The following PEMT variants were observed in gnomAD, a reference collection of about 807,000 sequenced individuals.
PEMT encodes the protein phosphatidylethanolamine N-methyltransferase.
PEMT carries 23 observed loss-of-function variants against 27.4 expected under a neutral mutation model. The ratio of observed to expected loss-of-function variants is 0.84; its 90% confidence interval spans 0.60 to 1.19. The LOEUF (loss-of-function observed/expected upper bound fraction) is 1.19. Ranked by LOEUF, PEMT falls within the 50% of genes most tolerant of loss-of-function variation. The pLI is 0.00. For synonymous variants in PEMT, 137 were observed against 139.1 expected, an observed-to-expected ratio of 0.98 and a Z score of 0.11; for missense variants, 307 against 310.1, an observed-to-expected ratio of 0.99 and a Z score of 0.07.
rs745740700 is a variant in PEMT at position 17,522,340 on chromosome 17, T to C, written c.260A>G (p.Tyr87Cys). 2 of 1,613,644 alleles carry C rather than the reference T, an allele frequency of 1.2e-6. No homozygotes were observed. Among genetic ancestry groups the C allele is most frequent in the South Asian group, 2.2e-5 (2 of 91,064 alleles). The change falls in exon 3 of 7, where the codon TAC becomes TGC. Residue 87 changes from tyrosine to cysteine, a missense_variant. Physicochemically the swap from Tyr to Cys is radical, Grantham distance 194 (BLOSUM62 -2). Transcript: ENST00000255389. The part of the protein sequence containing the change: ...RKLSRAFGSP[Y>C]LACYSLSVTI... ...GACGCTTAGAGAGTAGCAGGCCAGG[T>C]AGGGGGATCCGAAGGCCCTGCTCAG...
intron 2 of PEMT, among the ~76,000 whole-genome samples, chr17:17,560,839 C>T (rs1385259748): frequency 6.6e-6 from 1 of 151,526 alleles, no homozygotes; most frequent in Non-Finnish European, 1.5e-5. Context: ...CTCCCCACCT[C>T]CACCTCACCC....
At chr17:17,556,690 G>C (rs559780692) in intron 2 of PEMT, among the ~76,000 whole-genome samples, 1 of 152,190 alleles carries the variant, frequency 6.6e-6, no homozygotes, top group South Asian at 2.1e-4. Flanking sequence ...GCAAATTTCT[G>C]TTGCCTCTGA....
chr17:17,538,328 TAAATA>T (rs1307413558), intron 2 of PEMT, among the ~76,000 whole-genome samples: 3 of 152,224 alleles, frequency 2.0e-5, no homozygotes, highest in Non-Finnish European at 4.4e-5. Flanking sequence ...AGCTCTCACT[TAAATA>T]AAATATATAT....
At chr17:17,583,089 T>C (rs1912065792) in intron 1 of PEMT, among the ~76,000 whole-genome samples, 1 of 150,158 alleles carries the variant, frequency 6.7e-6, no homozygotes, top group Non-Finnish European at 1.5e-5. Flanking sequence ...AGAAGTTTAT[T>C]CTCTGGCCGT....
At chr17:17,522,181 G>A in intron 3 of PEMT, 99 bp downstream of exon 3, 7 of 845,150 alleles carry the variant, frequency 8.3e-6, no homozygotes, top group Non-Finnish European at 1.4e-5. Flanking sequence ...TGAGTGCTCA[G>A]ACACAAGGCT....
At chr17:17,592,030 A>T (rs948319198), upstream of PEMT, 50 of 985,466 alleles carry the variant, frequency 5.1e-5, no homozygotes, top group African/African-American at 8.4e-4. Context: ...GGTCGTAGCT[A>T]TAAGCAGCTT....
chr17:17,577,026 G>A lies in PEMT; in HGVS notation c.98C>T (p.Ala33Val). Reference protein sequence around the residue: ...GGLGNIDFRQADFCVMTRLLG... With the variant: ...GGLGNIDFRQVDFCVMTRLLG... ...CAGCCGGGTCATAACGCAGAAGTCTGCCTGCAGGGACAGAGCTAGCATCAG... is the reference window on the plus strand; with the variant it reads ...CAGCCGGGTCATAACGCAGAAGTCTACCTGCAGGGACAGAGCTAGCATCAG... The change falls in exon 2 of 7, where the codon GCA becomes GTA. Residue 33 changes from alanine to valine, a missense_variant and splice_region_variant. Physicochemically the swap from Ala to Val is moderately conservative, Grantham distance 64. Coordinates refer to ENST00000255389, the MANE Select transcript of PEMT (RefSeq NM_148172.3). 6.2e-7 allele frequency: 1 copy of A among 1,612,386 alleles called. No homozygotes were observed. Among genetic ancestry groups the A allele is most frequent in the Non-Finnish European group, 8.5e-7 (1 of 1,178,596 alleles).
At chr17:17,577,422 A>AG in intron 1 of PEMT, 1 of 971,708 alleles carries the variant, frequency 1.0e-6, no homozygotes, top group South Asian at 3.4e-5. Context: ...ACCAGGAATC[A>AG]GGTAAAAGCA....
At chr17:17,571,548 G>A (rs116958978) in intron 2 of PEMT, among the ~76,000 whole-genome samples, 1,916 of 152,176 alleles carry the variant, frequency 0.013, 16 homozygotes, top group Non-Finnish European at 0.02. Flanking sequence ...GACGGAGTGG[G>A]TGCTGATGAG....
intron 2 of PEMT, among the ~76,000 whole-genome samples, chr17:17,529,137 A>G (rs1383833086): frequency 6.6e-6 from 1 of 152,204 alleles, no homozygotes; most frequent in Non-Finnish European, 1.5e-5. Context: ...AAGTGCATAT[A>G]TGAACAGGCG....
intron 2 of PEMT, among the ~76,000 whole-genome samples, chr17:17,528,567 G>A (rs1463806194): frequency 6.6e-6 from 1 of 152,220 alleles, no homozygotes; most frequent in East Asian, 1.9e-4. Context: ...GAAGAGAGGA[G>A]GGGCCCTAAG....
At chr17:17,559,898 C>T (rs774544135) in intron 2 of PEMT, among the ~76,000 whole-genome samples, 3 of 152,198 alleles carry the variant, frequency 2.0e-5, no homozygotes, top group Non-Finnish European at 4.4e-5. Flanking sequence ...GCGAGTGGCC[C>T]GGTGCTCTTC....
intron 2 of PEMT, among the ~76,000 whole-genome samples, chr17:17,529,531 G>A (rs777742597): frequency 1.3e-5 from 2 of 152,264 alleles, no homozygotes; most frequent in East Asian, 1.9e-4. Flanking sequence ...CCAAGCTCTC[G>A]CCCTGCAGTG....
chr17:17,568,606 G>A (rs1910986603), intron 2 of PEMT, among the ~76,000 whole-genome samples: 1 of 152,172 alleles, frequency 6.6e-6, no homozygotes, highest in African/African-American at 2.4e-5. Context: ...AAGGGTACAG[G>A]GCCTGGGCTG....
chr17:17,517,695 G>A (rs1906943543), intron 3 of PEMT, among the ~76,000 whole-genome samples: 3 of 152,220 alleles, frequency 2.0e-5, no homozygotes, highest in Admixed American at 2.0e-4. Flanking sequence ...GGGTGAGTCT[G>A]GTGTCCCACA....
chr17:17,517,874 G>C, intron 3 of PEMT: 10 of 644,368 alleles, frequency 1.6e-5, no homozygotes, highest in Non-Finnish European at 1.9e-5. Context: ...TGGTCGTAAG[G>C]CTTCTTCAGC....
intron 2 of PEMT, among the ~76,000 whole-genome samples, chr17:17,535,395 G>T (rs1045926015): frequency 6.6e-6 from 1 of 151,838 alleles, no homozygotes; most frequent in Non-Finnish European, 1.5e-5. Context: ...GCGAAACCCC[G>T]TCTCTACTAA....
chr17:17,544,989 G>C (rs540158639), intron 2 of PEMT, among the ~76,000 whole-genome samples: 2 of 152,372 alleles, frequency 1.3e-5, no homozygotes, highest in East Asian at 3.9e-4. Context: ...AGTCCAAGGT[G>C]GGCCCGGGCC....
chr17:17,541,242 A>C lies in PEMT; in HGVS notation c.205-18847T>G, dbSNP rs565265939. Among the ~76,000 whole-genome samples the C allele has an allele frequency of 2.6e-5, 4 of 152,352 alleles. No homozygotes were observed. The South Asian group carries it at 8.3e-4, about 32-fold the overall frequency. ...CACCCCATCCTCCCAGAGCCCTGCA[A>C]GGAAGATGTCTCCCTCACGCACGGA... is the stretch of plus-strand genomic sequence containing the variant. On this transcript the variant is annotated intron_variant, in intron 2 of 6. Coordinates refer to ENST00000255389, the MANE Select transcript of PEMT (RefSeq NM_148172.3).
Sources: gnomAD v4.1 joint callset for allele counts (sites outside exome capture counted in the v4.1 genomes callset) on GRCh38, gnomAD v4.1.1 for gene constraint, MANE v1.5 for transcripts, NCBI Gene and HGNC (gene_info 2026-07-23, HGNC 2026-07-21) for gene names.